The following FRAS1 variants were observed in gnomAD, a reference collection of about 807,000 sequenced individuals.
The protein encoded by FRAS1 is extracellular matrix organizing protein FRAS1.
FRAS1 carries 290 observed loss-of-function variants against 435.2 expected under a neutral mutation model. The observed-to-expected ratio is 0.67, with a 90% CI of 0.61 to 0.73. The LOEUF is 0.73. Ranked by LOEUF, FRAS1 falls within the 30% of genes least tolerant of loss-of-function variation. FRAS1 has a pLI of 0.00. For missense variants in FRAS1, 4,860 were observed against 5,001.5 expected, an observed-to-expected ratio of 0.97 and a Z score of 0.85; for synonymous variants, 1,800 against 1,851.0, an observed-to-expected ratio of 0.97 and a Z score of 0.71.
chr4:78,277,414 G>T (rs1338621216), intron 9 of FRAS1, among the ~76,000 whole-genome samples: 4 of 152,126 alleles, frequency 2.6e-5, no homozygotes, highest in African/African-American at 9.7e-5. Flanking sequence ...ACTCATGCTG[G>T]TAGCTGTAGA....
chr4:78,461,882 T>C (rs903621692), intron 47 of FRAS1, among the ~76,000 whole-genome samples: 4 of 152,182 alleles, frequency 2.6e-5, no homozygotes, highest in Non-Finnish European at 4.4e-5. Flanking sequence ...ATTCTATTTA[T>C]TAAAAAGTAG....
chr4:78,343,122 G>A (rs562045056), intron 20 of FRAS1, among the ~76,000 whole-genome samples: 3 of 152,126 alleles, frequency 2.0e-5, no homozygotes, highest in East Asian at 1.9e-4. Flanking sequence ...GGATTGACTC[G>A]GTTACATAAA....
chr4:78,246,658 G>T (rs1424797077), intron 4 of FRAS1, among the ~76,000 whole-genome samples: 1 of 152,152 alleles, frequency 6.6e-6, no homozygotes, highest in African/African-American at 2.4e-5. Flanking sequence ...ATAAGTGCAT[G>T]GTTCAAGGTG....
At position 78,507,606 on chromosome 4, in the gene FRAS1, A is replaced by C; in HGVS notation, c.9502A>C (p.Ile3168Leu). 1 of 1,584,806 alleles carries C rather than the reference A, an allele frequency of 6.3e-7. No homozygotes were observed. The highest frequency in any genetic ancestry group is 2.3e-5 in the East Asian group (1 of 43,756). ...GAGCCTCATATTGCCAGCACCACCC[A>C]TTGTGAGTTGCTTGACCCAAAGGAT... Reference protein sequence around the residue: ...AGSLILPAPPIVVTLADYDHV... With the variant: ...AGSLILPAPPLVVTLADYDHV... The change falls in exon 62 of 74, where the codon ATT becomes CTT. Residue 3168 changes from isoleucine to leucine, a missense_variant and splice_region_variant. Coordinates refer to ENST00000512123, the MANE Select transcript of FRAS1 (RefSeq NM_025074.7).
intron 2 of FRAS1, among the ~76,000 whole-genome samples, chr4:78,075,473 C>T (rs1015795237): frequency 2.0e-5 from 3 of 152,070 alleles, no homozygotes; most frequent in Admixed American, 6.6e-5. Flanking sequence ...CAGCAGCAGT[C>T]GACCCAATAC....
At chr4:78,454,045 T>C (rs1719107287) in intron 47 of FRAS1, among the ~76,000 whole-genome samples, 1 of 151,802 alleles carries the variant, frequency 6.6e-6, no homozygotes, top group Non-Finnish European at 1.5e-5. Flanking sequence ...GTGATGAGTG[T>C]CTAGGAGAAG....
At chr4:78,115,040 G>T (rs1278958432) in intron 2 of FRAS1, among the ~76,000 whole-genome samples, 2 of 152,154 alleles carry the variant, frequency 1.3e-5, no homozygotes, top group African/African-American at 2.4e-5. Flanking sequence ...TTAGCATGAA[G>T]GATTGTTGAA....
intron 2 of FRAS1, among the ~76,000 whole-genome samples, chr4:78,194,285 A>G (rs1471760081): frequency 2.6e-5 from 4 of 152,108 alleles, no homozygotes; most frequent in East Asian, 1.9e-4. Flanking sequence ...TCTTTGTGGC[A>G]TTCTCTATAT....
At chr4:78,102,565 C>T (rs1168668219) in intron 2 of FRAS1, among the ~76,000 whole-genome samples, 6 of 152,070 alleles carry the variant, frequency 3.9e-5, no homozygotes, top group African/African-American at 1.4e-4. Flanking sequence ...ACCATCTTTC[C>T]CAGGGGTATT....
chr4:78,471,210 C>A (rs1719697559), intron 51 of FRAS1, among the ~76,000 whole-genome samples: 1 of 152,152 alleles, frequency 6.6e-6, no homozygotes, highest in South Asian at 2.1e-4. Context: ...AAATCCACAT[C>A]CCCACCCAAA....
intron 9 of FRAS1, among the ~76,000 whole-genome samples, chr4:78,271,024 G>C (rs1460125593): frequency 2.0e-5 from 3 of 152,032 alleles, no homozygotes; most frequent in Admixed American, 6.6e-5. Flanking sequence ...AAATTTTGAA[G>C]GCTCAAGAAA....
At chr4:78,505,633 C>T (rs917353292) in intron 61 of FRAS1, among the ~76,000 whole-genome samples, 1 of 152,214 alleles carries the variant, frequency 6.6e-6, no homozygotes, top group Middle Eastern at 3.4e-3. Flanking sequence ...TTCGTCTACC[C>T]TTTTTTCAAG....
At chr4:78,154,256 G>T (rs1430135102) in intron 2 of FRAS1, among the ~76,000 whole-genome samples, 1 of 152,108 alleles carries the variant, frequency 6.6e-6, no homozygotes, top group East Asian at 1.9e-4. Flanking sequence ...CAGGTAATTT[G>T]TTACCTACAG....
chr4:78,251,948 G>A (rs1725551905), intron 4 of FRAS1, among the ~76,000 whole-genome samples: 1 of 151,894 alleles, frequency 6.6e-6, no homozygotes, highest in East Asian at 1.9e-4. Flanking sequence ...ACAGAAAGGG[G>A]GGAGTGGAAT....
At chr4:78,081,719 G>A (rs1246149325) in intron 2 of FRAS1, among the ~76,000 whole-genome samples, 1 of 152,086 alleles carries the variant, frequency 6.6e-6, no homozygotes, top group Admixed American at 6.6e-5. Flanking sequence ...AGAGTCAGAA[G>A]GTAGACAGTT....
intron 9 of FRAS1, among the ~76,000 whole-genome samples, chr4:78,274,839 G>T (rs975117716): frequency 1.3e-5 from 2 of 152,162 alleles, no homozygotes; most frequent in Non-Finnish European, 2.9e-5. Flanking sequence ...TCTGCTTGGT[G>T]CAGAGCTGAG....
rs770330313 is a variant in FRAS1 at position 78,438,953 on chromosome 4, T to C, written c.5418T>C (p.Tyr1806=). 1.2e-6 allele frequency: 2 copies of C among 1,613,186 alleles called. No individual in the cohort carries two copies. Among genetic ancestry groups the C allele is most frequent in the Non-Finnish European group, 1.7e-6 (2 of 1,179,636 alleles). Residue 1806 remains tyrosine (Y), a synonymous_variant, in exon 40 of 74, where the codon TAT becomes TAC. Coordinates refer to ENST00000512123, the MANE Select transcript of FRAS1 (RefSeq NM_025074.7). The part of the protein sequence containing the change: ...TDGHLVTDSF[Y]FSVSDMDHNH... ...GTCATCTGGTTACTGATAGCTTCTA[T>C]TTCTCTGTCTCTGACATGGACCACA...
chr4:78,171,198 T>TA lies in FRAS1; in HGVS notation c.109-66304dup, dbSNP rs549234140. On this transcript the variant is annotated intron_variant, in intron 2 of 73. Coordinates refer to ENST00000512123, the MANE Select transcript of FRAS1 (RefSeq NM_025074.7). ...TGCTGGTAAGCAATCTTTTGTTAAT[T>TA]AAAAAAAATAAAATAACTGCAATTT... is the stretch of plus-strand genomic sequence containing the variant. 4.0e-3 allele frequency among the ~76,000 whole-genome samples: 613 copies of TA among 151,888 alleles called. 1 individual carries two copies. Among genetic ancestry groups the TA allele is most frequent in the African/African-American group, 0.014 (570 of 41,464 alleles).
At chr4:78,319,127 C>T (rs570852942) in intron 18 of FRAS1, 141 bp downstream of exon 18, 15 of 821,704 alleles carry the variant, frequency 1.8e-5, no homozygotes, top group South Asian at 3.3e-5. Flanking sequence ...AGGAGACCAA[C>T]GTGCAAAAGA....
Sources: allele counts gnomAD v4.1 joint callset (sites outside exome capture counted in the v4.1 genomes callset), GRCh38; gene constraint gnomAD v4.1.1; transcripts MANE v1.5; gene names NCBI Gene and HGNC (gene_info 2026-07-23, HGNC 2026-07-21).